RANBP2: variants seen among roughly 807,000 people sequenced by gnomAD.
The protein encoded by RANBP2 is RAN binding protein 2.
RANBP2 carries 57 observed loss-of-function variants against 303.6 expected under a neutral mutation model. The ratio of observed to expected loss-of-function variants is 0.19; its 90% CI spans 0.15 to 0.23. RANBP2 has a LOEUF of 0.23. RANBP2 is among the 10% of genes least tolerant of loss of function. The pLI, the probability that RANBP2 is intolerant of heterozygous loss-of-function variation, is 1.00. For synonymous variants in RANBP2, 1,167 were observed against 1,301.5 expected, an observed-to-expected ratio of 0.90 and a Z score of 2.23; for missense variants, 3,138 against 3,780.8, an observed-to-expected ratio of 0.83 and a Z score of 4.46.
chr2:109,201,477 A>C, the RANBP2 span, among the ~76,000 whole-genome samples: 1 of 150,916 alleles, frequency 6.6e-6, no homozygotes, highest in African/African-American at 2.4e-5. Flanking sequence ...TCTCTCTCTT[A>C]TCTCTCTCTC....
chr2:109,143,172 T>A, the RANBP2 span, among the ~76,000 whole-genome samples: 1 of 152,232 alleles, frequency 6.6e-6, no homozygotes. Context: ...TGGTCCATTC[T>A]GTTTGTCAAG....
At chr2:109,526,030 G>A in the RANBP2 span, among the ~76,000 whole-genome samples, 8,261 of 152,102 alleles carry the variant, frequency 0.054, 681 homozygotes, top group East Asian at 0.24. Flanking sequence ...TCGCAATCCC[G>A]AGCACCAGAG....
chr2:109,412,391 T>C, the RANBP2 span, among the ~76,000 whole-genome samples: 1 of 152,064 alleles, frequency 6.6e-6, no homozygotes, highest in Admixed American at 6.5e-5. Flanking sequence ...TGGCTGTGCT[T>C]TGCTTGTGCT....
chr2:109,483,827 G>C, the RANBP2 span, among the ~76,000 whole-genome samples: 1 of 152,060 alleles, frequency 6.6e-6, no homozygotes, highest in South Asian at 2.1e-4. Flanking sequence ...AACTCCTCCT[G>C]TGACTGTCCC....
the RANBP2 span, among the ~76,000 whole-genome samples, chr2:109,257,584 C>T: frequency 2.0e-5 from 3 of 152,072 alleles, no homozygotes; most frequent in African/African-American, 4.8e-5. Context: ...ACTTTCTTCC[C>T]TTGACCACTG....
the RANBP2 span, among the ~76,000 whole-genome samples, chr2:109,139,881 T>A: frequency 6.6e-6 from 1 of 152,154 alleles, no homozygotes. Flanking sequence ...TGGACAGGGG[T>A]CTACATCCAA....
chr2:109,551,827 A>G, the RANBP2 span, among the ~76,000 whole-genome samples: 2 of 152,250 alleles, frequency 1.3e-5, no homozygotes, highest in Non-Finnish European at 2.9e-5. Flanking sequence ...TCAAGAAAAT[A>G]GCTTTACTCA....
the RANBP2 span, among the ~76,000 whole-genome samples, chr2:109,713,458 C>A: frequency 6.6e-6 from 1 of 152,156 alleles, no homozygotes; most frequent in East Asian, 1.9e-4. Context: ...CCAGAACGTG[C>A]CTCTGAGCTG....
the RANBP2 span, among the ~76,000 whole-genome samples, chr2:109,612,185 T>C: frequency 6.6e-6 from 1 of 151,422 alleles, no homozygotes; most frequent in Non-Finnish European, 1.5e-5. Flanking sequence ...TTTGCTGAGT[T>C]GAAAAAAAAA....
the RANBP2 span, among the ~76,000 whole-genome samples, chr2:109,013,304 A>T: frequency 3.3e-5 from 5 of 152,340 alleles, no homozygotes; most frequent in South Asian, 1.0e-3. Flanking sequence ...CTGCCTCACC[A>T]AAGTGAGGTC....
chr2:109,799,251 A>G, the RANBP2 span, among the ~76,000 whole-genome samples: 3 of 138,172 alleles, frequency 2.2e-5, no homozygotes, highest in Non-Finnish European at 3.1e-5. Flanking sequence ...AAAAAAAAAA[A>G]AAAAGGAAGG....
At chr2:109,388,373 C>T in the RANBP2 span, among the ~76,000 whole-genome samples, 2 of 152,154 alleles carry the variant, frequency 1.3e-5, no homozygotes, top group East Asian at 3.9e-4. Context: ...TGAAAAAGCT[C>T]CACCTGCCAC....
chr2:109,489,161 A>G, the RANBP2 span, among the ~76,000 whole-genome samples: 1 of 152,210 alleles, frequency 6.6e-6, no homozygotes, highest in Non-Finnish European at 1.5e-5. Flanking sequence ...TTCCCTCTCT[A>G]TTGCATAAGC....
the RANBP2 span, among the ~76,000 whole-genome samples, chr2:108,982,138 C>A: frequency 1.3e-5 from 2 of 152,238 alleles, no homozygotes; most frequent in South Asian, 4.1e-4. Context: ...GGGGCCAGGT[C>A]TTTTATTTCT....
At chr2:109,518,955 G>A in the RANBP2 span, among the ~76,000 whole-genome samples, 1 of 133,664 alleles carries the variant, frequency 7.5e-6, no homozygotes, top group African/African-American at 2.9e-5. Flanking sequence ...GTCTCGCTCT[G>A]TCACCCAGTC....
the RANBP2 span, among the ~76,000 whole-genome samples, chr2:109,079,387 G>A: frequency 6.6e-6 from 1 of 152,074 alleles, no homozygotes; most frequent in South Asian, 2.1e-4. Flanking sequence ...TCAACACTAG[G>A]GTATTAATAG....
At chr2:109,497,061 T>A in the RANBP2 span, among the ~76,000 whole-genome samples, 1 of 152,228 alleles carries the variant, frequency 6.6e-6, no homozygotes, top group Non-Finnish European at 1.5e-5. Flanking sequence ...GCCTTGCAGA[T>A]GCCTTGATTT....
the RANBP2 span, among the ~76,000 whole-genome samples, chr2:109,114,491 T>C: frequency 6.6e-6 from 1 of 152,092 alleles, no homozygotes; most frequent in South Asian, 2.1e-4. Context: ...CCCTTTATCA[T>C]TTTTTATTGC....
the RANBP2 span, chr2:109,568,104 A>G: frequency 4.5e-6 from 3 of 667,536 alleles, no homozygotes; most frequent in Non-Finnish European, 7.6e-6. Context: ...GGGCTGGCAA[A>G]CTACGGTCCA....
Sources: allele counts gnomAD v4.1 joint callset (sites outside exome capture counted in the v4.1 genomes callset), GRCh38; gene constraint gnomAD v4.1.1; transcripts MANE v1.5; gene names NCBI Gene and HGNC (gene_info 2026-07-23, HGNC 2026-07-21).